Variants in MYT1 observed in about 807,000 individuals in gnomAD.
MYT1 encodes myelin transcription factor 1.
A neutral mutation model predicts 123.0 loss-of-function variants in MYT1; 23 were observed. The observed-to-expected ratio is 0.19, with a 90% CI of 0.13 to 0.26. MYT1 has a LOEUF of 0.26. MYT1 is among the 10% of genes least tolerant of loss of function. The probability of loss-of-function intolerance (pLI) is 1.00; values close to 1 mark genes in which losing one functional copy is unlikely to be tolerated. For synonymous variants in MYT1, 518 were observed against 575.3 expected (o/e 0.90, Z 1.43); for missense variants, 1,125 against 1,472.5 (o/e 0.76, Z 3.86).
At chr20:64,194,559 G>A (rs536892172) in intron 2 of MYT1, among the ~76,000 whole-genome samples, 4 of 152,372 alleles carry the variant, frequency 2.6e-5, no homozygotes, top group Non-Finnish European at 5.9e-5. Context: ...CTGGCCCTGG[G>A]CCATTGGTGC....
chr20:64,227,543 A>G, intron 17 of MYT1, 66 bp downstream of exon 17: 1 of 1,406,244 alleles, frequency 7.1e-7, no homozygotes, highest in Non-Finnish European at 9.9e-7. Context: ...CCTTATATGA[A>G]GATTAGAAGA....
chr20:64,239,960 A>G (rs1372925420), intron 22 of MYT1, 57 bp downstream of exon 22: 1 of 1,592,588 alleles, frequency 6.3e-7, no homozygotes, highest in Non-Finnish European at 8.5e-7. Flanking sequence ...CTCTTCGGAA[A>G]GCAGGAGGGC....
In MYT1 at chr20:64,212,036, G is replaced by C. The variant is rs375475787; in HGVS notation, c.1427-12G>C. 4 of 1,611,408 alleles carry C rather than the reference G, an allele frequency of 2.5e-6. No homozygotes were observed. The highest frequency in any genetic ancestry group is 1.7e-6 in the Non-Finnish European group (2 of 1,177,934). ...ACAGCCTCGGCTCCCTCCACCCCCT[G>C]TTCTCTTACAGTCTTAGCCATGCAT... On this transcript the variant is annotated splice_polypyrimidine_tract_variant and intron_variant, in intron 8 of 22. Transcript: ENST00000328439. The surrounding 1 kb of genome is among the most constrained non-coding windows in gnomAD (Gnocchi z 6.8).
chr20:64,236,885 G>T (rs113820689), intron 20 of MYT1, among the ~76,000 whole-genome samples: 2 of 152,092 alleles, frequency 1.3e-5, no homozygotes, highest in Non-Finnish European at 1.5e-5. Context: ...TGTAACCTGC[G>T]GCTTTGGTGA....
chr20:64,170,902 G>GAGAGAC (rs1982252518), intron 1 of MYT1, among the ~76,000 whole-genome samples: 1 of 115,396 alleles, frequency 8.7e-6, no homozygotes, highest in Non-Finnish European at 1.8e-5. Context: ...GAGAGAGAGA[G>GAGAGAC]AGAGAGAGAG....
rs1982098576 is a variant in MYT1, at chr20:64,166,877, G to A, written c.-99+2138G>A. Among the ~76,000 whole-genome samples the A allele has an allele frequency of 6.6e-6, 1 of 152,178 alleles. No homozygotes were observed. Among genetic ancestry groups the A allele is most frequent in the Non-Finnish European group, 1.5e-5 (1 of 68,036 alleles). On this transcript the variant is annotated intron_variant, in intron 1 of 22. Transcript: ENST00000328439. The surrounding 1 kb of genome is among the most constrained non-coding windows in gnomAD (Gnocchi z 4.9). ...TGGCAGAGGGTATGCGGCCACGGGG[G>A]TGCATGCTGGGCAGCTCTGGCAGCT...
chr20:64,217,339 A>T (rs558557511), intron 11 of MYT1, 58 bp downstream of exon 11: 1 of 1,578,716 alleles, frequency 6.3e-7, no homozygotes, highest in East Asian at 2.2e-5. Context: ...GAGGGGCAGG[A>T]TTCAAGGGGC....
In MYT1 at chr20:64,172,405, G is replaced by A. The variant is rs560224909; in HGVS notation, c.-99+7666G>A. On this transcript the variant is annotated intron_variant, in intron 1 of 22. Transcript: ENST00000328439. ...CTTTGAGGCCTGGGGATCTTCCCTC[G>A]AGCTCTCTCCCTTCTGAACTGGGGA... Among the ~76,000 whole-genome samples the A allele has an allele frequency of 2.4e-3, 361 of 152,284 alleles. 2 individuals are homozygous for A. Among genetic ancestry groups the A allele is most frequent in the African/African-American group, 8.5e-3 (352 of 41,552 alleles).
At chr20:64,198,944 G>C (rs919967523) in intron 3 of MYT1, 28 bp downstream of exon 3, 2 of 1,612,086 alleles carry the variant, frequency 1.2e-6, no homozygotes, top group Non-Finnish European at 1.7e-6. Flanking sequence ...CTCCTCCAGG[G>C]CTGTAAATGC....
chr20:64,215,420 G>T (rs1983807096), intron 10 of MYT1, among the ~76,000 whole-genome samples: 1 of 152,156 alleles, frequency 6.6e-6, no homozygotes, highest in Non-Finnish European at 1.5e-5. Context: ...CTCCCGTTAG[G>T]CCCTTTTGAT....
At position 64,218,767 on chromosome 20, in the gene MYT1, C is replaced by A; in HGVS notation, c.1847-144C>A. ...TCCCAAAGTGCCCCCTCCCCACTGACTTGTCTGCATTGCTGCCTCTTTTCA... is the reference window on the plus strand; with the variant it reads ...TCCCAAAGTGCCCCCTCCCCACTGAATTGTCTGCATTGCTGCCTCTTTTCA... On this transcript the variant is annotated intron_variant, in intron 11 of 22. Coordinates refer to ENST00000328439, the MANE Select transcript of MYT1 (RefSeq NM_004535.3). This position sits in a 1 kb window ranked among gnomAD's most constrained non-coding sequence, Gnocchi z 4.0. 5 of 1,068,602 alleles carry A rather than the reference C, an allele frequency of 4.7e-6. No homozygotes were observed. The highest frequency in any genetic ancestry group is 2.4e-5 in the East Asian group (1 of 41,066). 66.2% of individuals were successfully genotyped at this position (1,068,602 alleles called of 1,614,324 possible). A position where few individuals can be genotyped will look rare whatever the true frequency, so the allele number is the denominator to read the frequency against.
In MYT1 at chr20:64,192,478, G is replaced by T. The variant is rs777845233; in HGVS notation, c.-1+2318G>T. On this transcript the variant is annotated intron_variant, in intron 2 of 22. Transcript: ENST00000328439. The surrounding 1 kb of genome is among the most constrained non-coding windows in gnomAD (Gnocchi z 5.3). The stretch of plus-strand genomic sequence containing the variant: ...GGTCAGCCTTCCAGAGGCTGGCTTC[G>T]GACAGGAGATGGGTGGTGAGGAGCC... Among the ~76,000 whole-genome samples the T allele has an allele frequency of 6.6e-6, 1 of 152,174 alleles. No homozygotes were observed. Among genetic ancestry groups the T allele is most frequent in the Non-Finnish European group, 1.5e-5 (1 of 68,034 alleles).
rs1601715888 is a variant in MYT1, at chr20:64,212,358, G to C, written c.1517+220G>C. ...TGGGACGGGGCTCTGGCCTGCCTGG[G>C]GCTCCCTGTGTGCTACCCTTCTCCC... is the stretch of plus-strand genomic sequence containing the variant. On this transcript the variant is annotated intron_variant, in intron 9 of 22. Coordinates refer to ENST00000328439, the MANE Select transcript of MYT1 (RefSeq NM_004535.3). The surrounding 1 kb of genome is among the most constrained non-coding windows in gnomAD (Gnocchi z 6.8). Among the ~76,000 whole-genome samples the C allele has an allele frequency of 6.6e-6, 1 of 152,294 alleles. No homozygotes were observed. Among genetic ancestry groups the C allele is most frequent in the East Asian group, 1.9e-4 (1 of 5,172 alleles).
rs574815162 is a variant in MYT1 at position 64,226,525 on chromosome 20, C to T, written c.2529-890C>T. Among the ~76,000 whole-genome samples the T allele has an allele frequency of 5.9e-5, 9 of 152,324 alleles. No homozygotes were observed. In the South Asian group the frequency reaches 1.9e-3, roughly 32 times the overall value. ...CTGGACACAAGCACTGAACTCTTGC[C>T]TGGCTCCTGCAGGGTCAGGGGTCAG... On this transcript the variant is annotated intron_variant, in intron 16 of 22. Coordinates refer to ENST00000328439, the MANE Select transcript of MYT1 (RefSeq NM_004535.3).
At chr20:64,205,461 G>A in intron 5 of MYT1, 92 bp from the exon 6 acceptor site, 1 of 1,538,754 alleles carries the variant, frequency 6.5e-7, no homozygotes, top group Non-Finnish European at 8.8e-7. Flanking sequence ...GGGAAGGGAG[G>A]GAGGGAGGAC....
chr20:64,214,496 A>G (rs1465631871), intron 10 of MYT1, among the ~76,000 whole-genome samples: 1 of 152,236 alleles, frequency 6.6e-6, no homozygotes, highest in Non-Finnish European at 1.5e-5. Flanking sequence ...AGTGCCACAA[A>G]TAAGGCCAGA....
rs1296956919 is a variant in MYT1 at position 64,208,510 on chromosome 20, C to T, written c.1291+23C>T. ...AAGGTAGGGCTCAGGGGTGGCCTGG[C>T]CCTGCAGACTCATCCTTTCACCCCT... On this transcript the variant is annotated intron_variant, in intron 7 of 22. Transcript: ENST00000328439. This position sits in a 1 kb window ranked among gnomAD's most constrained non-coding sequence, Gnocchi z 5.4. 6.4e-7 allele frequency: 1 copy of T among 1,561,800 alleles called. No individual in the cohort carries two copies.
intron 2 of MYT1, among the ~76,000 whole-genome samples, chr20:64,195,354 C>CTGTG (rs5741790): frequency 0.059 from 5,838 of 98,680 alleles, 222 homozygotes; most frequent in South Asian, 0.11. Flanking sequence ...ATGGTGAGAA[C>CTGTG]TGTGTGTGTG....
chr20:64,234,182 G>A (rs1984426460), intron 19 of MYT1, among the ~76,000 whole-genome samples: 1 of 152,208 alleles, frequency 6.6e-6, no homozygotes, highest in Non-Finnish European at 1.5e-5. Context: ...AATCATGCTT[G>A]AGAATGCACA....
Sources: gnomAD v4.1 joint callset for allele counts (sites outside exome capture counted in the v4.1 genomes callset) on GRCh38, gnomAD v4.1.1 for gene constraint, Gnocchi (gnomAD v3.1) non-coding constraint, MANE v1.5 for transcripts, NCBI Gene and HGNC (gene_info 2026-07-23, HGNC 2026-07-21) for gene names.